ELP6: variants seen among roughly 807,000 people sequenced by gnomAD.
ELP6 encodes elongator acetyltransferase complex subunit 6, also known as elongator complex protein 6.
In ELP6, 23 loss-of-function variants were observed where a neutral mutation model predicts 28.1. The ratio of observed to expected loss-of-function variants is 0.82; its 90% CI spans 0.59 to 1.16. The LOEUF (loss-of-function observed/expected upper bound fraction) is 1.16, where lower values mean the gene tolerates loss of function less well. ELP6 is among the 50% of genes most tolerant of loss of function. ELP6 has a pLI of 0.00. For missense variants in ELP6, 313 were observed against 334.6 expected (o/e 0.94, Z 0.50); for synonymous variants, 132 against 135.8 (o/e 0.97, Z 0.19).
intron 1 of ELP6, 22 bp from the exon 2 acceptor site, chr3:47,511,248 A>T: frequency 6.2e-7 from 1 of 1,613,040 alleles, no homozygotes; most frequent in Non-Finnish European, 8.5e-7. Context: ...AAGGAACACA[A>T]AAAGGTTAGA....
intron 5 of ELP6, chr3:47,500,220 T>C: frequency 1.9e-6 from 2 of 1,073,368 alleles, no homozygotes; most frequent in African/African-American, 3.4e-5. Context: ...TATTAATAAA[T>C]GAAAAAAAGA....
intron 1 of ELP6, chr3:47,511,512 A>T (rs1709016993): frequency 6.7e-6 from 8 of 1,189,788 alleles, no homozygotes; most frequent in Non-Finnish European, 8.4e-6. Flanking sequence ...CTCACTTCTC[A>T]TGTTAGTCAC....
chr3:47,502,213 A>G (rs1439105264), intron 4 of ELP6: 1 of 183,002 alleles, frequency 5.5e-6, no homozygotes, highest in Admixed American at 6.5e-5. Context: ...GTTCGAGACC[A>G]GCCTGGCCAA....
At chr3:47,509,054 G>A (rs868275752) in intron 3 of ELP6, among the ~76,000 whole-genome samples, 4 of 150,908 alleles carry the variant, frequency 2.7e-5, no homozygotes, top group South Asian at 2.1e-4. Flanking sequence ...GTGAGCCACC[G>A]TGCCCAGCCT....
Position 47,504,387 on chromosome 3 carries a change from G to C in ELP6, c.266C>G (p.Ser89Cys). 1 of 1,610,678 alleles carries C rather than the reference G, an allele frequency of 6.2e-7. No individual in the cohort carries two copies. Among genetic ancestry groups the C allele is most frequent in the Non-Finnish European group, 8.5e-7 (1 of 1,178,242 alleles). The change falls in exon 4 of 7, where the codon TCT becomes TGT. Residue 89 changes from serine (S) to cysteine (C), a missense_variant. Transcript: ENST00000296149. Reference protein sequence around the residue: ...GQLVFLEGLKSAVDVVFQAQK... With the variant: ...GQLVFLEGLKCAVDVVFQAQK... ...AGCCTGGAAGACGACGTCCACTGCA[G>C]ACTTGAGTCCCTCAAGGAACACAAG...
intron 6 of ELP6, chr3:47,497,219 C>A (rs1046218227): frequency 1.0e-6 from 1 of 985,288 alleles, no homozygotes; most frequent in African/African-American, 1.7e-5. Context: ...GGGGTAGAAT[C>A]CAGCTTCCCT....
Position 47,513,193 on chromosome 3 carries a change from T to C in ELP6, c.54+344A>G, listed in dbSNP as rs1031665667. 5 of 1,060,186 alleles carry C rather than the reference T, an allele frequency of 4.7e-6. No individual in the cohort carries two copies. In the African/African-American group the frequency reaches 8.4e-5, roughly 18 times the overall value. The allele number at this position is 1,060,186 out of a possible 1,614,324, so 65.7% of individuals were successfully genotyped here. ...TTTCGTAGAGACGGGGGTTTCACCATCTTGGCCAGACTTGTCTCGAACTCT... is the reference window on the plus strand; with the variant it reads ...TTTCGTAGAGACGGGGGTTTCACCACCTTGGCCAGACTTGTCTCGAACTCT... On this transcript the variant is annotated intron_variant, in intron 1 of 6. Coordinates refer to ENST00000296149, the MANE Select transcript of ELP6 (RefSeq NM_001031703.3).
chr3:47,512,618 T>C (rs886072450), intron 1 of ELP6: 117 of 985,208 alleles, frequency 1.2e-4, no homozygotes, highest in Non-Finnish European at 1.4e-4. Flanking sequence ...CGTTAAAATG[T>C]GAAAGGTTTC....
rs1418523438 is a variant in ELP6 at position 47,496,069 on chromosome 3, T to A, written c.801A>T (p.Ter267CysextTer10). Residue 267 changes from the stop codon to cysteine (C), a stop_lost, in exon 7 of 7, where the codon TGA becomes TGT. Coordinates refer to ENST00000296149, the MANE Select transcript of ELP6 (RefSeq NM_001031703.3). ...FAKGMSPAVL[*>C] ...TAGCTTCAGCTGCTCCGAAATCAGG[T>A]CACAGAACAGCAGGAGACATTCCTT... The A allele has an allele frequency of 3.7e-6, 6 of 1,613,972 alleles. No homozygotes were observed. Among genetic ancestry groups the A allele is most frequent in the African/African-American group, 1.3e-5 (1 of 74,912 alleles).
intron 4 of ELP6, 105 bp downstream of exon 4, chr3:47,504,225 G>A (rs1015760202): frequency 7.9e-6 from 11 of 1,391,526 alleles, no homozygotes; most frequent in African/African-American, 1.5e-5. Flanking sequence ...CCTGAAGCCA[G>A]TTCCATCCTC....
chr3:47,498,435 G>C lies in ELP6; in HGVS notation c.526-3C>G, dbSNP rs1708544303. ...TGCACAAGGACCACCATGTTTCCCT[G>C]CATCAGATACAAGATGGAAGCCTGC... On this transcript the variant is annotated splice_region_variant and splice_polypyrimidine_tract_variant and intron_variant, in intron 5 of 6. Transcript: ENST00000296149. 2 of 1,611,486 alleles carry C rather than the reference G, an allele frequency of 1.2e-6. No individual in the cohort carries two copies. Among genetic ancestry groups the C allele is most frequent in the Non-Finnish European group, 1.7e-6 (2 of 1,179,872 alleles).
intron 5 of ELP6, 194 bp from the exon 6 acceptor site, chr3:47,498,626 T>C: frequency 1.0e-6 from 1 of 985,356 alleles, no homozygotes; most frequent in Non-Finnish European, 1.2e-6. Flanking sequence ...TTCACCCATA[T>C]TTCACCCATA....
At chr3:47,496,789 C>T (rs1395884012) in intron 6 of ELP6, 18 of 985,204 alleles carry the variant, frequency 1.8e-5, no homozygotes, top group Admixed American at 6.2e-5. Flanking sequence ...CCACTGTGCC[C>T]GGTCCCTTTG....
chr3:47,511,522 C>T, intron 1 of ELP6: 4 of 1,170,482 alleles, frequency 3.4e-6, no homozygotes, highest in Non-Finnish European at 4.3e-6. Context: ...ATGTTAGTCA[C>T]TCAGGAACCA....
intron 6 of ELP6, chr3:47,498,011 A>G (rs1559585581): frequency 3.0e-6 from 3 of 985,176 alleles, no homozygotes; most frequent in Non-Finnish European, 2.4e-6. Context: ...ATTTGATGGC[A>G]TGCCCCTGCA....
chr3:47,499,468 G>A (rs374043030), intron 5 of ELP6, among the ~76,000 whole-genome samples: 3 of 149,310 alleles, frequency 2.0e-5, no homozygotes, highest in Non-Finnish European at 3.0e-5. Flanking sequence ...GCAGTGAGCC[G>A]AGATCGTGCC....
At chr3:47,502,124 C>A (rs1013232252) in intron 4 of ELP6, among the ~76,000 whole-genome samples, 1 of 152,062 alleles carries the variant, frequency 6.6e-6, no homozygotes, top group Non-Finnish European at 1.5e-5. Flanking sequence ...AGACACCATA[C>A]GTAGCTGGGT....
Position 47,511,211 on chromosome 3 carries a change from G to A in ELP6, c.70C>T (p.Leu24Phe). 6.2e-7 allele frequency: 1 copy of A among 1,614,100 alleles called. No homozygotes were observed. Among genetic ancestry groups the A allele is most frequent in the Non-Finnish European group, 8.5e-7 (1 of 1,180,014 alleles). ...CTCCCATCTGTCTTGGCATCACAGA[G>A]TAGAGTCAGTTTCCCCTAAAAGTTA... ...DRAEQGKLTL[L>F]CDAKTDGSFL... is the part of the protein sequence containing the mutation. Residue 24 changes from leucine (L) to phenylalanine (F), a missense_variant, in exon 2 of 7, where the codon CTC becomes TTC. Transcript: ENST00000296149.
chr3:47,495,912 C>T lies in ELP6; in HGVS notation c.*157G>A. ...TGAACAGGGCCCAGGGCAGCCAAGG[C>T]ATGCCATCACTGCAGCACTCAACCC... On this transcript the variant is annotated 3_prime_UTR_variant, in exon 7 of 7. Transcript: ENST00000296149. 1.6e-6 allele frequency: 2 copies of T among 1,266,380 alleles called. No individual in the cohort carries two copies. The highest frequency in any genetic ancestry group is 2.2e-6 in the Non-Finnish European group (2 of 927,572). 78.4% of individuals were successfully genotyped at this position (1,266,380 alleles called of 1,614,324 possible). A position where few individuals can be genotyped will look rare whatever the true frequency, so the allele number is the denominator to read the frequency against.
Sources: allele counts gnomAD v4.1 joint callset (sites outside exome capture counted in the v4.1 genomes callset), GRCh38; gene constraint gnomAD v4.1.1; transcripts MANE v1.5; gene names NCBI Gene and HGNC (gene_info 2026-07-23, HGNC 2026-07-21).